The following ZC2HC1A variants were observed in gnomAD, a reference collection of about 807,000 sequenced individuals.
ZC2HC1A encodes the protein zinc finger C2HC-type containing 1A.
ZC2HC1A carries 28 observed loss-of-function variants against 40.7 expected under a neutral mutation model. The observed-to-expected ratio is 0.69, with a 90% CI of 0.51 to 0.94. The LOEUF is 0.94. Among genes scored for constraint, ZC2HC1A ranks in the 40% least tolerant of loss-of-function variants. ZC2HC1A has a pLI of 0.00. For missense variants in ZC2HC1A, 389 were observed against 386.3 expected (o/e 1.01, Z -0.06); for synonymous variants, 129 against 129.2 (o/e 1.00, Z 0.01).
At chr8:78,693,163 G>A (rs1810271375) in intron 5 of ZC2HC1A, among the ~76,000 whole-genome samples, 1 of 152,038 alleles carries the variant, frequency 6.6e-6, no homozygotes, top group Non-Finnish European at 1.5e-5. Context: ...CCAAGTCTTT[G>A]CTATTGTGAA....
chr8:78,715,229 T>C lies in ZC2HC1A; in HGVS notation c.713T>C (p.Val238Ala). 6.2e-7 allele frequency: 1 copy of C among 1,613,570 alleles called. No homozygotes were observed. Among genetic ancestry groups the C allele is most frequent in the Non-Finnish European group, 8.5e-7 (1 of 1,179,838 alleles). ...TTTCCTCTTTTTTATAGAGCTAATG[T>C]CAAACCCCGAAATTCCACACCACCT... ...GIAAPHAGAN[V>A]KPRNSTPPSL... is the part of the protein sequence containing the mutation. The change falls in exon 8 of 9, where the codon GTC (valine) becomes GCC (alanine). Residue 238 changes from valine to alanine, a missense_variant. Val to Ala is a moderately conservative substitution (Grantham distance 64). Coordinates refer to ENST00000263849, the MANE Select transcript of ZC2HC1A (RefSeq NM_016010.3).
rs1563626738 is a variant in ZC2HC1A at position 78,687,636 on chromosome 8, ATATATATATTTACGTAATACAT to A, written c.352+1082_352+1103del. Reference sequence around the variant, plus strand: ...ATTATATATATTTACGTAATACATTATATATATATTTACGTAATACATTATATATATTTACGTAATACATTAT... The same window carrying A: ...ATTATATATATTTACGTAATACATTATATATATATTTACGTAATACATTAT... On this transcript the variant is annotated intron_variant, in intron 4 of 8. Coordinates refer to ENST00000263849, the MANE Select transcript of ZC2HC1A (RefSeq NM_016010.3). 5.2e-4 allele frequency among the ~76,000 whole-genome samples: 68 copies of A among 129,958 alleles called. 1 individual carries two copies. The highest frequency in any genetic ancestry group is 1.8e-3 in the African/African-American group (65 of 35,808). 85.3% of individuals were successfully genotyped at this position (129,958 alleles called of 152,430 possible).
At chr8:78,697,604 T>G in intron 6 of ZC2HC1A, 98 bp downstream of exon 6, 1 of 845,880 alleles carries the variant, frequency 1.2e-6, no homozygotes, top group African/African-American at 1.8e-5. Flanking sequence ...TAAGATAGAT[T>G]TATAATTAAG....
At chr8:78,714,852 T>G (rs1811050590) in intron 7 of ZC2HC1A, among the ~76,000 whole-genome samples, 1 of 152,210 alleles carries the variant, frequency 6.6e-6, no homozygotes, top group Admixed American at 6.5e-5. Flanking sequence ...ATAATGAAAC[T>G]TGTTTGTTTA....
intron 5 of ZC2HC1A, among the ~76,000 whole-genome samples, chr8:78,691,871 T>C (rs906422477): frequency 1.3e-5 from 2 of 152,176 alleles, no homozygotes; most frequent in African/African-American, 4.8e-5. Context: ...TGTATTGTTA[T>C]ACTTACTGCC....
At chr8:78,681,218 C>G (rs1406905576) in intron 3 of ZC2HC1A, among the ~76,000 whole-genome samples, 1 of 151,926 alleles carries the variant, frequency 6.6e-6, no homozygotes, top group East Asian at 1.9e-4. Context: ...CTGGGCCTCT[C>G]CTCCCTAAAA....
At chr8:78,681,364 G>A (rs7823970) in intron 3 of ZC2HC1A, among the ~76,000 whole-genome samples, 113,045 of 152,150 alleles carry the variant, frequency 0.74, 43,065 homozygotes, top group East Asian at 0.91. Flanking sequence ...AAGAACAGCA[G>A]AACATCAGTA....
chr8:78,703,536 C>T (rs1015187263), intron 7 of ZC2HC1A, among the ~76,000 whole-genome samples: 31 of 139,674 alleles, frequency 2.2e-4, no homozygotes, highest in East Asian at 6.2e-4. Context: ...TAATACCCTT[C>T]TTTTTTTTTT....
At chr8:78,675,702 T>C (rs1809556696) in intron 1 of ZC2HC1A, 85 bp from the exon 2 acceptor site, 1 of 1,248,276 alleles carries the variant, frequency 8.0e-7, no homozygotes, top group Non-Finnish European at 1.1e-6. Flanking sequence ...ATAATTTACC[T>C]ATAAAACTAA....
At chr8:78,688,404 G>C (rs10113703) in intron 4 of ZC2HC1A, among the ~76,000 whole-genome samples, 112,905 of 151,976 alleles carry the variant, frequency 0.74, 43,006 homozygotes, top group East Asian at 0.91. Flanking sequence ...CAGTAGTAAG[G>C]AGGACAAATT....
chr8:78,667,874 A>G (rs1809345633), intron 1 of ZC2HC1A, among the ~76,000 whole-genome samples: 1 of 152,066 alleles, frequency 6.6e-6, no homozygotes, highest in African/African-American at 2.4e-5. Flanking sequence ...AGGATTCTGT[A>G]TTTATAGGCA....
At chr8:78,702,415 A>G (rs1001274836) in intron 7 of ZC2HC1A, among the ~76,000 whole-genome samples, 1 of 152,140 alleles carries the variant, frequency 6.6e-6, no homozygotes, top group African/African-American at 2.4e-5. Context: ...TTTAAAAAGC[A>G]GCTCCTAGAT....
intron 4 of ZC2HC1A, 33 bp downstream of exon 4, chr8:78,686,641 G>A: frequency 7.0e-7 from 1 of 1,431,698 alleles, no homozygotes; most frequent in Non-Finnish European, 9.2e-7. Context: ...AAATGTTCAT[G>A]TGGAAAGAAA....
In ZC2HC1A at chr8:78,704,525, T is replaced by C. The variant is rs182479306; in HGVS notation, c.704+6012T>C. On this transcript the variant is annotated intron_variant, in intron 7 of 8. Transcript: ENST00000263849. ...CCTGGCCTTTCTCTCTAGCTGCCTT[T>C]AACATTTCTTCTTTCATTTCAGTCT... is the stretch of plus-strand genomic sequence containing the variant. 2.0e-4 allele frequency among the ~76,000 whole-genome samples: 30 copies of C among 152,288 alleles called. No homozygotes were observed. In the East Asian group the frequency reaches 5.4e-3, roughly 27 times the overall value.
intron 5 of ZC2HC1A, among the ~76,000 whole-genome samples, chr8:78,695,660 A>G (rs143423397): frequency 6.6e-6 from 1 of 152,056 alleles, no homozygotes; most frequent in Non-Finnish European, 1.5e-5. Context: ...CTCTCTCTAT[A>G]TATATATAGT....
intron 3 of ZC2HC1A, among the ~76,000 whole-genome samples, chr8:78,683,797 T>G (rs1809866316): frequency 1.3e-5 from 2 of 152,140 alleles, no homozygotes; most frequent in African/African-American, 4.8e-5. Flanking sequence ...TATATTCTGC[T>G]TCCTCTTGAA....
chr8:78,709,904 A>C (rs1159927738), intron 7 of ZC2HC1A, among the ~76,000 whole-genome samples: 1 of 152,120 alleles, frequency 6.6e-6, no homozygotes, highest in African/African-American at 2.4e-5. Flanking sequence ...TCTTTTCCCA[A>C]TATTATTTCA....
chr8:78,710,419 A>T lies in ZC2HC1A; in HGVS notation c.705-4802A>T, dbSNP rs534382108. Among the ~76,000 whole-genome samples, 3 of 152,230 alleles carry T rather than the reference A, an allele frequency of 2.0e-5. No individual in the cohort carries two copies. The East Asian group carries it at 5.8e-4, about 29-fold the overall frequency. Reference sequence around the variant, plus strand: ...ATATTGGCAATCTTTTTATATATGTAATGTTTCCATTGGATAATTACCTTT... The same window carrying T: ...ATATTGGCAATCTTTTTATATATGTTATGTTTCCATTGGATAATTACCTTT... On this transcript the variant is annotated intron_variant, in intron 7 of 8. Coordinates refer to ENST00000263849, the MANE Select transcript of ZC2HC1A (RefSeq NM_016010.3).
At chr8:78,698,657 C>T in intron 7 of ZC2HC1A, 144 bp downstream of exon 7, 1 of 522,402 alleles carries the variant, frequency 1.9e-6, no homozygotes, top group East Asian at 3.5e-5. Context: ...GGAGCACACT[C>T]ACTGCTGTTG....
Sources: allele counts gnomAD v4.1 joint callset (sites outside exome capture counted in the v4.1 genomes callset), GRCh38; gene constraint gnomAD v4.1.1; transcripts MANE v1.5; gene names NCBI Gene and HGNC (gene_info 2026-07-23, HGNC 2026-07-21).